The following CDRT4 variants were observed in gnomAD, a reference collection of about 807,000 sequenced individuals.
The protein encoded by CDRT4 is CMT1A duplicated region transcript 4 protein.
For missense variants in CDRT4, 167 were observed against 193.1 expected, an observed-to-expected ratio of 0.87 and a Z score of 0.80; for synonymous variants, 64 against 69.6, an observed-to-expected ratio of 0.92 and a Z score of 0.40.
chr17:15,439,023 A>G, intron 3 of CDRT4: 2 of 424,322 alleles, frequency 4.7e-6, no homozygotes, highest in Non-Finnish European at 9.5e-6. Context: ...TCAACGCATT[A>G]GTTTATCAAG....
intron 1 of CDRT4, among the ~76,000 whole-genome samples, chr17:15,461,618 A>G (rs1567614607): frequency 6.6e-6 from 1 of 152,202 alleles, no homozygotes; most frequent in Non-Finnish European, 1.5e-5. Context: ...AGGAATCTGC[A>G]TCTCTAACAG....
intron 1 of CDRT4, among the ~76,000 whole-genome samples, chr17:15,461,276 C>T (rs1013181271): frequency 3.0e-4 from 46 of 152,174 alleles, no homozygotes; most frequent in African/African-American, 1.1e-3. Flanking sequence ...GAGCTCTGTG[C>T]CAGGCATAGG....
chr17:15,450,574 CT>C lies in CDRT4; in HGVS notation c.-48+2429del, dbSNP rs59035063. On this transcript the variant is annotated intron_variant, in intron 2 of 3. Coordinates refer to ENST00000619038, the MANE Select transcript of CDRT4 (RefSeq NM_001204477.2). The surrounding 1 kb of genome is among the most constrained non-coding windows in gnomAD (Gnocchi z 4.2). ...TCCATTGAGGATTTCTAGTTCCCTT[CT>C]TTTTTTTTTTTTATTTCCACACATC... 2.3e-3 allele frequency among the ~76,000 whole-genome samples: 341 copies of C among 145,670 alleles called. No homozygotes were observed. Among genetic ancestry groups the C allele is most frequent in the Non-Finnish European group, 2.2e-3 (146 of 65,750 alleles).
chr17:15,438,014 A>T lies in CDRT4; in HGVS notation c.218T>A (p.Val73Asp). Reference protein sequence around the residue: ...WASRQNKPSSVIQPKRRKSSK... With the variant: ...WASRQNKPSSDIQPKRRKSSK... ...AGACTTCCTCCTTTTCGGCTGAATGACGCTGGAAGGTTTATTCTGCCTTGA... is the reference window on the plus strand; with the variant it reads ...AGACTTCCTCCTTTTCGGCTGAATGTCGCTGGAAGGTTTATTCTGCCTTGA... The change falls in exon 4 of 4, where the codon GTC (valine) becomes GAC (aspartate). Residue 73 changes from valine to aspartate, a missense_variant. Coordinates refer to ENST00000619038, the MANE Select transcript of CDRT4 (RefSeq NM_001204477.2). The T allele has an allele frequency of 6.2e-7, 1 of 1,614,148 alleles. No homozygotes were observed. Among genetic ancestry groups the T allele is most frequent in the Non-Finnish European group, 8.5e-7 (1 of 1,180,028 alleles).
Position 15,464,152 on chromosome 17 carries a change from CCT to C in CDRT4, c.-130+3306_-130+3307del, listed in dbSNP as rs1288493199. Among the ~76,000 whole-genome samples the C allele has an allele frequency of 2.0e-5, 3 of 152,114 alleles. No homozygotes were observed. The highest frequency in any genetic ancestry group is 4.4e-5 in the Non-Finnish European group (3 of 68,028). On this transcript the variant is annotated intron_variant, in intron 1 of 3. Coordinates refer to ENST00000619038, the MANE Select transcript of CDRT4 (RefSeq NM_001204477.2). This position sits in a 1 kb window ranked among gnomAD's most constrained non-coding sequence, Gnocchi z 4.5. The stretch of plus-strand genomic sequence containing the variant: ...TGTGTGACCTTGGGTAACTTATTAA[CCT>C]CTCTGGCCGCGTTTTTCTCTGGTGA...
At chr17:15,460,405 A>C (rs1400067195) in intron 1 of CDRT4, among the ~76,000 whole-genome samples, 1 of 152,064 alleles carries the variant, frequency 6.6e-6, no homozygotes, top group Non-Finnish European at 1.5e-5. Context: ...GCTGCTAATA[A>C]TAATATAAAA....
intron 1 of CDRT4, among the ~76,000 whole-genome samples, chr17:15,459,844 T>C (rs1166799955): frequency 6.6e-6 from 1 of 152,102 alleles, no homozygotes; most frequent in Non-Finnish European, 1.5e-5. Context: ...CGGAATGATC[T>C]CCTTTGCCTC....
intron 1 of CDRT4, among the ~76,000 whole-genome samples, chr17:15,465,749 T>C (rs1207149989): frequency 6.6e-6 from 1 of 152,166 alleles, no homozygotes; most frequent in African/African-American, 2.4e-5. Flanking sequence ...CAGACACGCA[T>C]GCTAACGCCT....
chr17:15,460,072 G>A (rs1387156964), intron 1 of CDRT4, among the ~76,000 whole-genome samples: 1 of 152,054 alleles, frequency 6.6e-6, no homozygotes, highest in Admixed American at 6.5e-5. Flanking sequence ...CTAGCCATGG[G>A]CTCTTCCCTG....
intron 1 of CDRT4, among the ~76,000 whole-genome samples, chr17:15,457,142 C>T (rs1180886932): frequency 6.6e-6 from 1 of 152,158 alleles, no homozygotes; most frequent in African/African-American, 2.4e-5. Flanking sequence ...CACCCTGTCT[C>T]CCTTCCAGCT....
intron 2 of CDRT4, chr17:15,443,604 T>G (rs1446784479): frequency 3.2e-6 from 1 of 316,202 alleles, no homozygotes; most frequent in Non-Finnish European, 6.0e-6. Context: ...TAAAAATGTC[T>G]GGTAATTGCT....
At chr17:15,448,091 C>T (rs1003397919) in intron 2 of CDRT4, among the ~76,000 whole-genome samples, 2 of 152,122 alleles carry the variant, frequency 1.3e-5, no homozygotes, top group African/African-American at 2.4e-5. Flanking sequence ...ACATTGTGAA[C>T]CTGGAGAACA....
chr17:15,463,053 TAGA>T (rs756821846), intron 1 of CDRT4, among the ~76,000 whole-genome samples: 7 of 152,040 alleles, frequency 4.6e-5, no homozygotes, highest in Non-Finnish European at 7.4e-5. Context: ...CAAAAACTGC[TAGA>T]AGGAGGGAAA....
Position 15,438,004 on chromosome 17 carries a change from C to T in CDRT4, c.228G>A (p.Pro76=), listed in dbSNP as rs199782046. 150 of 1,614,044 alleles carry T rather than the reference C, an allele frequency of 9.3e-5. No homozygotes were observed. Among genetic ancestry groups the T allele is most frequent in the African/African-American group, 6.7e-5 (5 of 74,918 alleles). ...AAGACTTGGAAGACTTCCTCCTTTT[C>T]GGCTGAATGACGCTGGAAGGTTTAT... The part of the protein sequence containing the change: ...RQNKPSSVIQ[P]KRRKSSKSSG... Residue 76 remains proline (P), a synonymous_variant, in exon 4 of 4, where the codon CCG becomes CCA. Coordinates refer to ENST00000619038, the MANE Select transcript of CDRT4 (RefSeq NM_001204477.2).
chr17:15,446,090 TC>T (rs143452027), intron 2 of CDRT4, among the ~76,000 whole-genome samples: 3,710 of 152,240 alleles, frequency 0.024, 146 homozygotes, highest in African/African-American at 0.085. Context: ...GGAAAGATGC[TC>T]CTGAGCAAGG....
At chr17:15,439,572 G>T (rs112569355) in intron 3 of CDRT4, among the ~76,000 whole-genome samples, 2 of 152,082 alleles carry the variant, frequency 1.3e-5, no homozygotes, top group Non-Finnish European at 2.9e-5. Flanking sequence ...AAATTCAAAC[G>T]CCTGGAGCAA....
intron 2 of CDRT4, chr17:15,444,024 T>A: frequency 1.2e-6 from 1 of 810,644 alleles, no homozygotes; most frequent in Non-Finnish European, 2.1e-6. Context: ...AAGTGTTGCC[T>A]GTTCAGTATC....
At chr17:15,444,855 G>C (rs1327199956) in intron 2 of CDRT4, among the ~76,000 whole-genome samples, 2 of 151,968 alleles carry the variant, frequency 1.3e-5, no homozygotes, top group Non-Finnish European at 2.9e-5. Context: ...ACATTTAAAA[G>C]GGCCATGAAG....
In CDRT4 at chr17:15,437,755, C is replaced by T. The variant is rs1218937254; in HGVS notation, c.*18G>A. ...CAGGGACCCCTGGCTAAAACATTTG[C>T]ATGTTTCTCCTTGTTGGTCAGTAGC... is the stretch of plus-strand genomic sequence containing the variant. On this transcript the variant is annotated 3_prime_UTR_variant, in exon 4 of 4. Coordinates refer to ENST00000619038, the MANE Select transcript of CDRT4 (RefSeq NM_001204477.2). The T allele has an allele frequency of 6.2e-7, 1 of 1,606,960 alleles. No homozygotes were observed. Among genetic ancestry groups the T allele is most frequent in the South Asian group, 1.1e-5 (1 of 90,836 alleles).
Sources: allele counts gnomAD v4.1 joint callset (sites outside exome capture counted in the v4.1 genomes callset), GRCh38; gene constraint gnomAD v4.1.1; non-coding constraint Gnocchi (gnomAD v3.1); transcripts MANE v1.5; gene names NCBI Gene and HGNC (gene_info 2026-07-23, HGNC 2026-07-21).